Variants in KCTD1 observed in about 807,000 individuals in gnomAD.
KCTD1 encodes the protein potassium channel tetramerization domain containing 1.
A neutral mutation model predicts 66.0 loss-of-function variants in KCTD1; 24 were observed. That is an observed-to-expected ratio of 0.36 (90% CI 0.26 to 0.51). The LOEUF (loss-of-function observed/expected upper bound fraction) is 0.51. Among genes scored for constraint, KCTD1 ranks in the 20% least tolerant of loss-of-function variants. The probability of loss-of-function intolerance (pLI) is 0.95; values close to 1 mark genes in which losing one functional copy is unlikely to be tolerated. For missense variants in KCTD1, 943 were observed against 1,205.2 expected (o/e 0.78, Z 3.22); for synonymous variants, 511 against 517.2 (o/e 0.99, Z 0.16).
At chr18:26,642,803 C>T (rs1210185366), upstream of KCTD1, among the ~76,000 whole-genome samples, 5 of 150,634 alleles carry the variant, frequency 3.3e-5, no homozygotes, top group Non-Finnish European at 7.4e-5. Flanking sequence ...TAATGCTGTC[C>T]CATTTTGAAA....
At chr18:26,529,573 A>G (rs1027831664) in intron 1 of KCTD1, among the ~76,000 whole-genome samples, 9 of 152,232 alleles carry the variant, frequency 5.9e-5, no homozygotes, top group African/African-American at 2.2e-4. Flanking sequence ...CCCAAAGGAA[A>G]AGAAGAACCA....
chr18:26,583,024 C>CTTT (rs920687762), intron 1 of KCTD1, among the ~76,000 whole-genome samples: 2 of 151,886 alleles, frequency 1.3e-5, no homozygotes, highest in Admixed American at 6.6e-5. Context: ...GGAATTTTCA[C>CTTT]TTTTAAGTTA....
At chr18:26,463,551 T>A (rs1006510094) in intron 3 of KCTD1, among the ~76,000 whole-genome samples, 25 of 152,328 alleles carry the variant, frequency 1.6e-4, no homozygotes, top group Non-Finnish European at 3.2e-4. Context: ...GTTTTTTTTT[T>A]TTGAGATGGA....
At chr18:26,510,944 C>A (rs1005876954) in intron 1 of KCTD1, among the ~76,000 whole-genome samples, 3 of 152,096 alleles carry the variant, frequency 2.0e-5, no homozygotes, top group Non-Finnish European at 4.4e-5. Flanking sequence ...GCATTAAATG[C>A]ACCAAAATAT....
intron 1 of KCTD1, among the ~76,000 whole-genome samples, chr18:26,596,209 T>C (rs1465555309): frequency 6.6e-6 from 1 of 152,144 alleles, no homozygotes; most frequent in African/African-American, 2.4e-5. Context: ...GGTAAGGCCA[T>C]GAGGGTGAGA....
At chr18:26,514,968 C>T (rs1983576419) in intron 1 of KCTD1, among the ~76,000 whole-genome samples, 1 of 152,140 alleles carries the variant, frequency 6.6e-6, no homozygotes, top group South Asian at 2.1e-4. Flanking sequence ...TTTGAATGAG[C>T]CCTAAAGACA....
chr18:26,616,699 A>AC (rs1365713959), intron 1 of KCTD1, among the ~76,000 whole-genome samples: 5 of 50,928 alleles, frequency 9.8e-5, no homozygotes, highest in African/African-American at 3.3e-4. Flanking sequence ...AAAAAAAAAA[A>AC]AATTTGTAGA....
intron 1 of KCTD1, among the ~76,000 whole-genome samples, chr18:26,555,381 C>T (rs914189046): frequency 1.1e-4 from 16 of 152,250 alleles, no homozygotes; most frequent in African/African-American, 3.4e-4. Flanking sequence ...GCCGAGATTG[C>T]GCCACTGCAC....
intron 1 of KCTD1, among the ~76,000 whole-genome samples, chr18:26,519,992 C>T (rs961568670): frequency 6.6e-6 from 1 of 152,216 alleles, no homozygotes; most frequent in African/African-American, 2.4e-5. Context: ...TGTACCTGTT[C>T]TAATTAGCAT....
chr18:26,488,186 A>AT (rs67518012), intron 2 of KCTD1, among the ~76,000 whole-genome samples: 20 of 147,986 alleles, frequency 1.4e-4, no homozygotes, highest in African/African-American at 1.7e-4. Context: ...ATGGAACTTC[A>AT]TTTTTTTTTT....
At chr18:26,600,689 A>C (rs1203769015) in intron 1 of KCTD1, among the ~76,000 whole-genome samples, 1 of 151,832 alleles carries the variant, frequency 6.6e-6, no homozygotes. Flanking sequence ...TAACACTCTA[A>C]CAGAGCTGCA....
At chr18:26,646,146 CA>C (rs1987922911) in intron 1 of KCTD1, among the ~76,000 whole-genome samples, 1 of 152,170 alleles carries the variant, frequency 6.6e-6, no homozygotes, top group South Asian at 2.1e-4. Context: ...ATTAATACAT[CA>C]AGTCAATATA....
At chr18:26,478,473 A>G (rs879505795) in intron 2 of KCTD1, among the ~76,000 whole-genome samples, 32 of 152,250 alleles carry the variant, frequency 2.1e-4, no homozygotes, top group Non-Finnish European at 4.6e-4. Context: ...GAATTTTACA[A>G]TGAAATCCAA....
At chr18:26,575,033 C>G (rs914100979) in intron 1 of KCTD1, among the ~76,000 whole-genome samples, 3 of 152,186 alleles carry the variant, frequency 2.0e-5, no homozygotes, top group African/African-American at 7.2e-5. Flanking sequence ...TCCAGTGTAA[C>G]TTGGAAATTA....
chr18:26,580,899 G>A (rs1986338141), intron 1 of KCTD1, among the ~76,000 whole-genome samples: 1 of 152,276 alleles, frequency 6.6e-6, no homozygotes, highest in Admixed American at 6.5e-5. Context: ...TGCTCATTTT[G>A]AACATGTTGT....
chr18:26,604,064 G>A (rs966424763), intron 1 of KCTD1, among the ~76,000 whole-genome samples: 25 of 123,138 alleles, frequency 2.0e-4, no homozygotes, highest in African/African-American at 7.5e-4. Flanking sequence ...AAATTTACAG[G>A]AAACAAACAG....
At chr18:26,528,883 A>G (rs1179997238) in intron 1 of KCTD1, among the ~76,000 whole-genome samples, 2 of 152,110 alleles carry the variant, frequency 1.3e-5, no homozygotes, top group East Asian at 3.9e-4. Flanking sequence ...CTTTGCCTCC[A>G]CAGATTCCAG....
chr18:26,644,787 A>AG (rs1249630149), upstream of KCTD1, among the ~76,000 whole-genome samples: 2 of 151,742 alleles, frequency 1.3e-5, no homozygotes, highest in African/African-American at 4.8e-5. Flanking sequence ...AGAGAGAGAG[A>AG]AAGAGGAAGC....
In KCTD1 at chr18:26,570,191, A is replaced by AAAATATAT. The variant is rs776923644; in HGVS notation, c.-16+58955_-16+58956insATATATTT. On this transcript the variant is annotated intron_variant, in intron 1 of 4. Coordinates refer to the KCTD1 transcript ENST00000317932. ...ACAGAGCAAGACTCCATCTAAAAAA[A>AAAATATAT]ATATATATATATATATATATATATG... Among the ~76,000 whole-genome samples the AAAATATAT allele has an allele frequency of 2.6e-3, 340 of 132,528 alleles. 3 individuals carry two copies. Among genetic ancestry groups the AAAATATAT allele is most frequent in the African/African-American group, 7.7e-3 (291 of 37,648 alleles). 86.9% of individuals were successfully genotyped at this position (132,528 alleles called of 152,430 possible).
Sources: gnomAD v4.1 joint callset for allele counts (sites outside exome capture counted in the v4.1 genomes callset) on GRCh38, gnomAD v4.1.1 for gene constraint, MANE v1.5 for transcripts, NCBI Gene and HGNC (gene_info 2026-07-23, HGNC 2026-07-21) for gene names.